MTA2: variants seen among roughly 807,000 people sequenced by gnomAD.
MTA2 encodes the protein metastasis associated 1 family member 2, also known as metastasis-associated protein MTA2.
Under a neutral mutation model 87.1 loss-of-function variants are expected in MTA2, and 22 were observed. The ratio of observed to expected loss-of-function variants is 0.25; its 90% CI spans 0.18 to 0.36. The LOEUF (loss-of-function observed/expected upper bound fraction) is 0.36. MTA2 is among the 10% of genes least tolerant of loss of function. The pLI is 1.00. For missense variants in MTA2, 542 were observed against 853.2 expected (o/e 0.64, Z 4.54); for synonymous variants, 314 against 310.1 (o/e 1.01, Z -0.13).
Position 62,601,671 on chromosome 11 carries a change from G to T in MTA2, c.-221C>A. On this transcript the variant is annotated 5_prime_UTR_variant, in exon 1 of 18. Transcript: ENST00000278823. Reference sequence around the variant, plus strand: ...GCCTCACTCCCGGGACGCTGAGGCTGGCCCCCGTCCGCTCGGCTTCTTCCG... The same window carrying T: ...GCCTCACTCCCGGGACGCTGAGGCTTGCCCCCGTCCGCTCGGCTTCTTCCG... 1.8e-6 allele frequency: 1 copy of T among 545,744 alleles called. No individual in the cohort carries two copies. Among genetic ancestry groups the T allele is most frequent in the Non-Finnish European group, 3.1e-6 (1 of 317,980 alleles). 33.8% of individuals were successfully genotyped at this position (545,744 alleles called of 1,614,324 possible).
intron 3 of MTA2, 32 bp from the exon 4 acceptor site, chr11:62,598,671 G>T: frequency 3.2e-6 from 5 of 1,583,960 alleles, no homozygotes; most frequent in Non-Finnish European, 3.5e-6. Flanking sequence ...AACCAAGTCA[G>T]AAATGGATCC....
At position 62,593,693 on chromosome 11, in the gene MTA2, G is replaced by C; in HGVS notation, c.*182C>G. On this transcript the variant is annotated 3_prime_UTR_variant, in exon 18 of 18. Coordinates refer to ENST00000278823, the MANE Select transcript of MTA2 (RefSeq NM_004739.4). ...TCTGTCCTCCATCGGCAAGCATGGAGGCATGAGACAAGTCTCGAGGTGGTA... is the reference window on the plus strand; with the variant it reads ...TCTGTCCTCCATCGGCAAGCATGGACGCATGAGACAAGTCTCGAGGTGGTA... The C allele has an allele frequency of 1.5e-6, 1 of 679,570 alleles. No individual in the cohort carries two copies. Among genetic ancestry groups the C allele is most frequent in the Non-Finnish European group, 2.4e-6 (1 of 412,462 alleles). 42.1% of individuals were successfully genotyped at this position (679,570 alleles called of 1,614,324 possible).
intron 3 of MTA2, 62 bp downstream of exon 3, chr11:62,600,104 C>T: frequency 1.4e-6 from 2 of 1,465,678 alleles, no homozygotes; most frequent in Non-Finnish European, 1.9e-6. Flanking sequence ...GAAATACCTG[C>T]AGGGACATGC....
Position 62,601,814 on chromosome 11 carries a change from G to A in MTA2, c.-364C>T. 2.0e-6 allele frequency: 1 copy of A among 500,594 alleles called. No individual in the cohort carries two copies. Among genetic ancestry groups the A allele is most frequent in the Non-Finnish European group, 3.5e-6 (1 of 287,708 alleles). 31.0% of individuals were successfully genotyped at this position (500,594 alleles called of 1,614,324 possible). ...GGAAGGCTTGCCGGGCCCGCCTCAG[G>A]GTTCGCCTCCTTCCGGAACACCTTC... On this transcript the variant is annotated 5_prime_UTR_variant, in exon 1 of 18. Coordinates refer to ENST00000278823, the MANE Select transcript of MTA2 (RefSeq NM_004739.4).
In MTA2 at chr11:62,601,677, C is replaced by T. The variant is rs892274747; in HGVS notation, c.-227G>A. 5.5e-6 allele frequency: 3 copies of T among 540,578 alleles called. No homozygotes were observed. The highest frequency in any genetic ancestry group is 9.6e-6 in the Non-Finnish European group (3 of 313,772). 33.5% of individuals were successfully genotyped at this position (540,578 alleles called of 1,614,324 possible). On this transcript the variant is annotated 5_prime_UTR_variant, in exon 1 of 18. Coordinates refer to ENST00000278823, the MANE Select transcript of MTA2 (RefSeq NM_004739.4). ...CTCCCGGGACGCTGAGGCTGGCCCC[C>T]GTCCGCTCGGCTTCTTCCGGAACGA...
chr11:62,596,572 G>A (rs1942101777), intron 9 of MTA2, 40 bp from the exon 10 acceptor site: 1 of 1,612,792 alleles, frequency 6.2e-7, no homozygotes, highest in Non-Finnish European at 8.5e-7. Flanking sequence ...CTGGCATCTG[G>A]CCCCAGGTCC....
rs1439864154 is a variant in MTA2, at chr11:62,597,662, G to C, written c.541C>G (p.Pro181Ala). The change falls in exon 7 of 18, where the codon CCA (proline) becomes GCA (alanine). Residue 181 changes from proline (P) to alanine (A), a missense_variant. By Grantham distance (27) the Pro-to-Ala change is conservative. Coordinates refer to ENST00000278823, the MANE Select transcript of MTA2 (RefSeq NM_004739.4). ...QQKMEMKVWD[P>A]DNPLTDRQID... ...TGCCGGTCTGTGAGAGGGTTGTCTG[G>C]GTCCCAGACCTTCATCTCCATCTTC... is the stretch of plus-strand genomic sequence containing the variant. The C allele has an allele frequency of 6.2e-7, 1 of 1,614,150 alleles. No individual in the cohort carries two copies. The highest frequency in any genetic ancestry group is 8.5e-7 in the Non-Finnish European group (1 of 1,180,026).
In MTA2 at chr11:62,594,384, GA is replaced by G; in HGVS notation, c.1715del (p.Phe572SerfsTer25). On this transcript the variant is annotated frameshift_variant, in exon 17 of 18. Transcript: ENST00000278823. LOFTEE classifies it high-confidence loss of function. ...AAGCCAGAGGCCTTCCATTGGCAGA[GA>G]AAGGAACCCCTGCCCCTGCCATCTG... ...YETMAGAGVP[F>X]SANGRPLASG... 1 of 1,614,206 alleles carries G rather than the reference GA, an allele frequency of 6.2e-7. No individual in the cohort carries two copies.
chr11:62,599,003 A>C (rs1253436569), intron 3 of MTA2, among the ~76,000 whole-genome samples: 2 of 152,214 alleles, frequency 1.3e-5, no homozygotes, highest in Admixed American at 1.3e-4. Flanking sequence ...ACTCAAGATG[A>C]AAAAATATCA....
At position 62,600,634 on chromosome 11, in the gene MTA2, C is replaced by T. The variant is rs1247947051; in HGVS notation, c.84G>A (p.Glu28=). 5.0e-6 allele frequency: 8 copies of T among 1,613,974 alleles called. No homozygotes were observed. Among genetic ancestry groups the T allele is most frequent in the Non-Finnish European group, 6.8e-6 (8 of 1,179,896 alleles). The change falls in exon 2 of 18, where the codon GAG becomes GAA. Residue 28 remains glutamate (E), a synonymous_variant. Transcript: ENST00000278823. ...SSNPYLVRRI[E]ELNKTANGNV... ...CTGCTCCACTCACCTTGTTGAGCTC[C>T]TCAATCCGTCTAACCAGGTAAGGAT...
intron 17 of MTA2, 93 bp from the exon 18 acceptor site, chr11:62,594,133 C>A: frequency 6.4e-7 from 1 of 1,554,744 alleles, no homozygotes. Flanking sequence ...CCTTCTGGCC[C>A]ATTCTTTTCT....
Position 62,598,338 on chromosome 11 carries a change from G to C in MTA2, c.361C>G (p.Leu121Val), listed in dbSNP as rs749236701. The change falls in exon 5 of 18, where the codon CTG becomes GTG. Residue 121 changes from leucine to valine, a missense_variant. This residue lies in a region of MTA2 where 150 missense variants were observed against 243.9 expected (regional missense o/e 0.62). Coordinates refer to ENST00000278823, the MANE Select transcript of MTA2 (RefSeq NM_004739.4). ...CATCTCTTTCTCACCTCCTTTTCCA[G>C]GTACTGGCTCAAGATATCTGTCTCA... ...LNETDILSQY[L>V]EKEDCFFYSL... The C allele has an allele frequency of 6.2e-7, 1 of 1,613,868 alleles. No individual in the cohort carries two copies. The highest frequency in any genetic ancestry group is 8.5e-7 in the Non-Finnish European group (1 of 1,179,998).
At position 62,593,935 on chromosome 11, in the gene MTA2, G is replaced by A. The variant is rs1280483994; in HGVS notation, c.1947C>T (p.Val649=). 6 of 1,614,212 alleles carry A rather than the reference G, an allele frequency of 3.7e-6. No homozygotes were observed. The highest frequency in any genetic ancestry group is 1.1e-5 in the South Asian group (1 of 91,086). ...CAGGATGTGAGGGTGCAGGTAGAGG[G>A]ACAGGGGGCCGCACTGCAATCAGCG... ...KPTLIAVRPP[V]PLPAPSHPAS... is the part of the protein sequence containing the mutation. Residue 649 remains valine (V), a synonymous_variant, in exon 18 of 18, where the codon GTC becomes GTT. Coordinates refer to ENST00000278823, the MANE Select transcript of MTA2 (RefSeq NM_004739.4).
rs966092441 is a variant in MTA2 at position 62,601,723 on chromosome 11, G to A, written c.-273C>T. Reference sequence around the variant, plus strand: ...AACGAGCTCGGCTCCTGCCAGGCCAGAGCCAGGCTCCAGCTACCCCCGCCC... The same window carrying A: ...AACGAGCTCGGCTCCTGCCAGGCCAAAGCCAGGCTCCAGCTACCCCCGCCC... On this transcript the variant is annotated 5_prime_UTR_variant, in exon 1 of 18. Transcript: ENST00000278823. 1 of 519,626 alleles carries A rather than the reference G, an allele frequency of 1.9e-6. No individual in the cohort carries two copies. The highest frequency in any genetic ancestry group is 2.0e-5 in the African/African-American group (1 of 49,186). 32.2% of individuals were successfully genotyped at this position (519,626 alleles called of 1,614,324 possible).
chr11:62,596,755 T>C lies in MTA2; in HGVS notation c.764A>G (p.Gln255Arg). 1 of 1,614,074 alleles carries C rather than the reference T, an allele frequency of 6.2e-7. No homozygotes were observed. The highest frequency in any genetic ancestry group is 8.5e-7 in the Non-Finnish European group (1 of 1,179,982). ...ATCCCGACACAGCACCGGGCCTCCC[T>C]GGGGTACCAGGGTCGACATGGCCTT... ...LAKAMSTLVP[Q>R]GGPVLCRDEM... The change falls in exon 9 of 18, where the codon CAG becomes CGG. Residue 255 changes from glutamine (Q) to arginine (R), a missense_variant. Gln to Arg is a conservative substitution (Grantham distance 43). Coordinates refer to ENST00000278823, the MANE Select transcript of MTA2 (RefSeq NM_004739.4).
intron 8 of MTA2, 109 bp downstream of exon 8, chr11:62,597,206 CA>C (rs35814304): frequency 1.6e-3 from 1,029 of 654,986 alleles, no homozygotes; most frequent in African/African-American, 6.1e-3. Context: ...ACAAAACAAA[CA>C]AAAAAAAAAC....
At chr11:62,601,131 G>A in intron 1 of MTA2, 1 of 536,378 alleles carries the variant, frequency 1.9e-6, no homozygotes, top group South Asian at 2.3e-5. Context: ...TCCCTACCCT[G>A]TCAGCTCCTT....
chr11:62,599,691 T>A (rs1343851605), intron 3 of MTA2, among the ~76,000 whole-genome samples: 3 of 151,292 alleles, frequency 2.0e-5, no homozygotes, highest in Non-Finnish European at 4.4e-5. Context: ...GGCGGGGAAA[T>A]GGGCGAGGTG....
intron 8 of MTA2, 62 bp from the exon 9 acceptor site, chr11:62,596,887 C>T: frequency 6.6e-7 from 1 of 1,511,422 alleles, no homozygotes; most frequent in Non-Finnish European, 8.9e-7. Flanking sequence ...CCTTCCTGCT[C>T]CTTAAAACAC....
Sources: allele counts gnomAD v4.1 joint callset (sites outside exome capture counted in the v4.1 genomes callset), GRCh38; gene constraint gnomAD v4.1.1; regional missense constraint gnomAD v4.1.1; transcripts MANE v1.5; gene names NCBI Gene and HGNC (gene_info 2026-07-23, HGNC 2026-07-21).